Variants in CCSER1 observed in about 807,000 individuals in gnomAD.
CCSER1 encodes the protein serine-rich coiled-coil domain-containing protein 1.
A neutral mutation model predicts 82.0 loss-of-function variants in CCSER1; 41 were observed. That is an observed-to-expected ratio of 0.50 (90% CI 0.39 to 0.65). The LOEUF is 0.65. CCSER1 is among the 30% of genes least tolerant of loss of function. The pLI is 0.00. For synonymous variants in CCSER1, 414 were observed against 383.9 expected (o/e 1.08, Z -0.92); for missense variants, 1,119 against 1,064.2 (o/e 1.05, Z -0.72).
At chr4:90,846,258 G>A (rs938893839) in intron 8 of CCSER1, among the ~76,000 whole-genome samples, 30 of 152,174 alleles carry the variant, frequency 2.0e-4, no homozygotes, top group Admixed American at 4.6e-4. Flanking sequence ...CAGCGTGAGA[G>A]TTAAATTACT....
intron 10 of CCSER1, among the ~76,000 whole-genome samples, chr4:91,088,228 GA>G (rs1427717745): frequency 2.0e-5 from 3 of 152,064 alleles, no homozygotes; most frequent in Admixed American, 2.0e-4. Flanking sequence ...TTATTATGAT[GA>G]ATTAATTTCT....
At chr4:90,439,046 C>A (rs1759475308) in intron 4 of CCSER1, among the ~76,000 whole-genome samples, 1 of 152,138 alleles carries the variant, frequency 6.6e-6, no homozygotes, top group Non-Finnish European at 1.5e-5. Flanking sequence ...GTAATCCCAG[C>A]ACTTTGGGAG....
intron 6 of CCSER1, among the ~76,000 whole-genome samples, chr4:90,693,036 CAG>C (rs1462277513): frequency 2.6e-5 from 4 of 151,994 alleles, no homozygotes; most frequent in African/African-American, 9.6e-5. Context: ...ATGTCAGAGT[CAG>C]GGTTAAAACT....
chr4:90,387,757 G>C (rs1290265978), intron 3 of CCSER1, among the ~76,000 whole-genome samples: 1 of 152,118 alleles, frequency 6.6e-6, no homozygotes, highest in Non-Finnish European at 1.5e-5. Flanking sequence ...TTCCAGGAGG[G>C]TAATAGGTCC....
At chr4:90,276,791 G>A (rs984054236) in intron 1 of CCSER1, among the ~76,000 whole-genome samples, 3 of 152,128 alleles carry the variant, frequency 2.0e-5, no homozygotes, top group Admixed American at 6.6e-5. Flanking sequence ...CATTCTCCTT[G>A]TGGAGATATT....
At chr4:90,481,550 A>T (rs1168177582) in intron 5 of CCSER1, among the ~76,000 whole-genome samples, 2 of 152,206 alleles carry the variant, frequency 1.3e-5, no homozygotes, top group African/African-American at 2.4e-5. Flanking sequence ...TCCCATCAAT[A>T]CTTAATTTAT....
At chr4:90,345,997 G>A (rs1055605747) in intron 3 of CCSER1, among the ~76,000 whole-genome samples, 3 of 151,664 alleles carry the variant, frequency 2.0e-5, no homozygotes, top group South Asian at 2.1e-4. Flanking sequence ...ATTTATTTCT[G>A]TGGTCTAACC....
chr4:90,854,201 C>A (rs1386109226), intron 8 of CCSER1, among the ~76,000 whole-genome samples: 3 of 152,252 alleles, frequency 2.0e-5, no homozygotes, highest in East Asian at 3.9e-4. Flanking sequence ...TGCAATATTT[C>A]ATGGATATTG....
chr4:90,241,315 A>G lies in CCSER1; in HGVS notation c.-41-66929A>G, dbSNP rs143479779. On this transcript the variant is annotated intron_variant, in intron 1 of 10. Transcript: ENST00000509176. ...GTAATCATGTATGAATGAGTTGCCA[A>G]CTATTATATATTATGTATACGTAAG... Among the ~76,000 whole-genome samples the G allele has an allele frequency of 9.2e-3, 1,399 of 152,306 alleles. 31 individuals carry two copies. Among genetic ancestry groups the G allele is most frequent in the African/African-American group, 0.03 (1,239 of 41,560 alleles).
intron 8 of CCSER1, among the ~76,000 whole-genome samples, chr4:90,831,867 A>G (rs1403878723): frequency 6.6e-6 from 1 of 152,114 alleles, no homozygotes; most frequent in Non-Finnish European, 1.5e-5. Flanking sequence ...CTACCTCAAT[A>G]TAGCCTTTTT....
At chr4:90,253,793 A>C (rs1423785517) in intron 1 of CCSER1, among the ~76,000 whole-genome samples, 1 of 152,140 alleles carries the variant, frequency 6.6e-6, no homozygotes, top group African/African-American at 2.4e-5. Flanking sequence ...AAGAGATGAC[A>C]GTGGATTTTA....
chr4:91,156,111 A>C (rs1258522716), intron 10 of CCSER1, among the ~76,000 whole-genome samples: 1 of 151,820 alleles, frequency 6.6e-6, no homozygotes, highest in African/African-American at 2.4e-5. Context: ...TAAGTATATA[A>C]TATTGTTTAT....
chr4:90,365,703 G>A (rs971980348), intron 3 of CCSER1, among the ~76,000 whole-genome samples: 21 of 151,942 alleles, frequency 1.4e-4, no homozygotes, highest in African/African-American at 4.6e-4. Context: ...ATAAGCAACT[G>A]TTGAACTGTG....
At chr4:91,094,602 G>A (rs1724312477) in intron 10 of CCSER1, among the ~76,000 whole-genome samples, 1 of 152,278 alleles carries the variant, frequency 6.6e-6, no homozygotes, top group Admixed American at 6.5e-5. Flanking sequence ...AGATGAACCT[G>A]TATTCCTTCA....
chr4:91,524,096 A>T (rs1227307950), intron 10 of CCSER1, among the ~76,000 whole-genome samples: 1 of 152,174 alleles, frequency 6.6e-6, no homozygotes, highest in African/African-American at 2.4e-5. Context: ...ATGTGAAATA[A>T]CTTTCCCTGT....
At chr4:91,292,394 G>C (rs1743818445) in intron 10 of CCSER1, among the ~76,000 whole-genome samples, 1 of 151,744 alleles carries the variant, frequency 6.6e-6, no homozygotes, top group Non-Finnish European at 1.5e-5. Context: ...TTTTTTTTAA[G>C]TTGTCCAAAA....
At chr4:91,253,937 G>A (rs988411072) in intron 10 of CCSER1, among the ~76,000 whole-genome samples, 33 of 152,030 alleles carry the variant, frequency 2.2e-4, no homozygotes, top group African/African-American at 7.2e-4. Context: ...TAAGGGGGAC[G>A]GTGCTAAACC....
chr4:90,776,118 A>T lies in CCSER1; in HGVS notation c.2011-39644A>T, dbSNP rs181789874. Among the ~76,000 whole-genome samples the T allele has an allele frequency of 3.6e-3, 550 of 152,240 alleles. 1 individual carries two copies. The highest frequency in any genetic ancestry group is 6.1e-3 in the Non-Finnish European group (418 of 68,008). ...GATAGTAAATTTTATGTTTTCAATA[A>T]TTCTTGGATACAACAGTAAAACAAT... is the stretch of plus-strand genomic sequence containing the variant. On this transcript the variant is annotated intron_variant, in intron 7 of 10. Transcript: ENST00000509176.
At chr4:90,725,919 T>C (rs1743554547) in intron 7 of CCSER1, among the ~76,000 whole-genome samples, 1 of 151,948 alleles carries the variant, frequency 6.6e-6, no homozygotes, top group Non-Finnish European at 1.5e-5. Context: ...GTTGTCTTTT[T>C]CACCTATTCC....
Sources: allele counts gnomAD v4.1 joint callset (sites outside exome capture counted in the v4.1 genomes callset), GRCh38; gene constraint gnomAD v4.1.1; transcripts MANE v1.5; gene names NCBI Gene and HGNC (gene_info 2026-07-23, HGNC 2026-07-21).